The following TET1 variants were observed in gnomAD, a reference collection of about 807,000 sequenced individuals.
TET1 encodes the protein methylcytosine dioxygenase TET1.
TET1 carries 13 observed loss-of-function variants against 148.7 expected under a neutral mutation model. The ratio of observed to expected loss-of-function variants is 0.09; its 90% CI spans 0.06 to 0.14. TET1 has a LOEUF of 0.14. Among genes scored for constraint, TET1 ranks in the 10% least tolerant of loss-of-function variants. TET1 has a pLI of 1.00. For synonymous variants in TET1, 907 were observed against 937.2 expected (o/e 0.97, Z 0.59); for missense variants, 2,182 against 2,553.8 (o/e 0.85, Z 3.14).
chr10:68,578,384 G>A (rs34814627), intron 2 of TET1, among the ~76,000 whole-genome samples: 23,553 of 151,876 alleles, frequency 0.16, 1,996 homozygotes, highest in South Asian at 0.24. Context: ...TCAGCCTGCC[G>A]AGTAGCTGGG....
At chr10:68,660,281 G>T (rs768773342) in intron 6 of TET1, among the ~76,000 whole-genome samples, 1 of 151,296 alleles carries the variant, frequency 6.6e-6, no homozygotes, top group Non-Finnish European at 1.5e-5. Context: ...GGATACTTCC[G>T]CTTAGTTTGG....
At chr10:68,683,620 G>A (rs1051741894) in intron 10 of TET1, among the ~76,000 whole-genome samples, 3 of 152,104 alleles carry the variant, frequency 2.0e-5, no homozygotes, top group Non-Finnish European at 4.4e-5. Flanking sequence ...CACCGTGTTA[G>A]CCAGGATGGT....
Position 68,646,837 on chromosome 10 carries a change from A to G in TET1, c.4108A>G (p.Lys1370Glu). 1.2e-6 allele frequency: 2 copies of G among 1,614,214 alleles called. No homozygotes were observed. Among genetic ancestry groups the G allele is most frequent in the Non-Finnish European group, 1.7e-6 (2 of 1,180,038 alleles). ...CSGGITVVST[K>E]SEEEVCSSSF... ...AGGTGGAATTACAGTGGTTTCTACC[A>G]AAAGTGAAGAGGAAGTCTGTTCATC... Residue 1370 changes from lysine to glutamate, a missense_variant, in exon 4 of 12, where the codon AAA becomes GAA. Transcript: ENST00000373644.
chr10:68,654,731 G>A (rs991535095), intron 6 of TET1, among the ~76,000 whole-genome samples: 8 of 152,234 alleles, frequency 5.3e-5, no homozygotes, highest in Admixed American at 5.2e-4. Flanking sequence ...TAGCCCATGA[G>A]TAACATGAAG....
intron 3 of TET1, chr10:68,632,574 G>C (rs1418872089): frequency 8.1e-6 from 13 of 1,601,368 alleles, no homozygotes; most frequent in Non-Finnish European, 1.1e-5. Context: ...GGTTTATCTT[G>C]GTGACTTTGG....
At position 68,667,222 on chromosome 10, in the gene TET1, C is replaced by T. The variant is rs1564501598; in HGVS notation, c.4639C>T (p.His1547Tyr). ...LTENLKSYNG[H>Y]PTDRRCTLNE... is the part of the protein sequence containing the mutation. ...AGAGAATCTAAAGTCATACAATGGGCACCCTACCGACAGAAGATGCACCCT... is the reference window on the plus strand; with the variant it reads ...AGAGAATCTAAAGTCATACAATGGGTACCCTACCGACAGAAGATGCACCCT... The change falls in exon 7 of 12, where the codon CAC (histidine) becomes TAC (tyrosine). Residue 1547 changes from histidine to tyrosine, a missense_variant. His to Tyr is a moderately conservative substitution (Grantham distance 83). Coordinates refer to ENST00000373644, the MANE Select transcript of TET1 (RefSeq NM_030625.3). The T allele has an allele frequency of 6.2e-7, 1 of 1,613,906 alleles. No homozygotes were observed. Among genetic ancestry groups the T allele is most frequent in the East Asian group, 2.2e-5 (1 of 44,884 alleles).
rs1388182777 is a variant in TET1 at position 68,565,475 on chromosome 10, A to AAAAT, written c.-123+4734_-123+4735insAATA. Among the ~76,000 whole-genome samples, 996 of 129,162 alleles carry AAAAT rather than the reference A, an allele frequency of 7.7e-3. 12 individuals are homozygous for AAAAT. The highest frequency in any genetic ancestry group is 0.025 in the African/African-American group (904 of 35,882). 84.7% of individuals were successfully genotyped at this position (129,162 alleles called of 152,430 possible). A position where few individuals can be genotyped will look rare whatever the true frequency, so the allele number is the denominator to read the frequency against. On this transcript the variant is annotated intron_variant, in intron 1 of 11. Transcript: ENST00000373644. The stretch of plus-strand genomic sequence containing the variant: ...AGCAAGACCCTGTTTAAAAAAAAAA[A>AAAAT]ATATATATATATATATATATATATG...
chr10:68,601,214 G>C (rs990885293), intron 3 of TET1, among the ~76,000 whole-genome samples, 180 bp downstream of exon 3: 3 of 152,012 alleles, frequency 2.0e-5, no homozygotes, highest in African/African-American at 7.2e-5. Flanking sequence ...TGCATAATGT[G>C]CATATTAGCA....
At position 68,645,438 on chromosome 10, in the gene TET1, C is replaced by G; in HGVS notation, c.2709C>G (p.Ala903=). 1 of 1,613,844 alleles carries G rather than the reference C, an allele frequency of 6.2e-7. No individual in the cohort carries two copies. The highest frequency in any genetic ancestry group is 8.5e-7 in the Non-Finnish European group (1 of 1,180,018). The part of the protein sequence containing the change: ...AIEALTQLSE[A]PSENSSPSKS... ...AGGCCCTGACTCAACTCTCAGAAGC[C>G]CCATCAGAGAATTCCTCCCCATCAA... The change falls in exon 4 of 12, where the codon GCC becomes GCG. Residue 903 remains alanine (A), a synonymous_variant. Coordinates refer to ENST00000373644, the MANE Select transcript of TET1 (RefSeq NM_030625.3).
At chr10:68,632,589 C>T in intron 3 of TET1, 1 of 1,588,362 alleles carries the variant, frequency 6.3e-7, no homozygotes. Flanking sequence ...CTTTGGGATG[C>T]TGGTTTCACT....
chr10:68,666,287 TA>T (rs1267522508), intron 6 of TET1, among the ~76,000 whole-genome samples: 1 of 152,214 alleles, frequency 6.6e-6, no homozygotes, highest in East Asian at 1.9e-4. Context: ...ACATTAGTCT[TA>T]TGAATAAAAT....
chr10:68,642,007 A>G (rs942023944), intron 3 of TET1, among the ~76,000 whole-genome samples: 1 of 152,208 alleles, frequency 6.6e-6, no homozygotes, highest in Non-Finnish European at 1.5e-5. Flanking sequence ...ACAAATAAAT[A>G]TTGTGTATAT....
chr10:68,653,430 G>T (rs1208680772), intron 6 of TET1, among the ~76,000 whole-genome samples: 1 of 152,138 alleles, frequency 6.6e-6, no homozygotes, highest in Admixed American at 6.5e-5. Flanking sequence ...TTTTTCAAAA[G>T]TGGTCTGACT....
At chr10:68,687,246 A>G (rs569680124) in intron 11 of TET1, among the ~76,000 whole-genome samples, 1 of 148,944 alleles carries the variant, frequency 6.7e-6, no homozygotes, top group African/African-American at 2.5e-5. Flanking sequence ...TTTTTATGGC[A>G]TGGGGAGGGG....
intron 7 of TET1, 118 bp downstream of exon 7, chr10:68,667,374 G>A: frequency 1.2e-6 from 1 of 851,636 alleles, no homozygotes; most frequent in Non-Finnish European, 1.8e-6. Context: ...GAGTATTGTG[G>A]AATTAAAAAG....
At chr10:68,570,041 GT>G (rs2053650690) in intron 1 of TET1, among the ~76,000 whole-genome samples, 1 of 152,086 alleles carries the variant, frequency 6.6e-6, no homozygotes, top group African/African-American at 2.4e-5. Context: ...GTGTGGTACT[GT>G]GGTTTGGGGT....
At chr10:68,630,002 G>A (rs61868101) in intron 3 of TET1, among the ~76,000 whole-genome samples, 9,066 of 152,244 alleles carry the variant, frequency 0.06, 368 homozygotes, top group Non-Finnish European at 0.085. Flanking sequence ...ATATTTGTCA[G>A]AACAACCACT....
chr10:68,640,333 G>A lies in TET1; in HGVS notation c.1969-4365G>A, dbSNP rs574138997. ...GGCTGGAGTGCAGTGGCTCAATCTCGGCTCACTGCAACCTCTGCCCGCCAG... is the reference window on the plus strand; with the variant it reads ...GGCTGGAGTGCAGTGGCTCAATCTCAGCTCACTGCAACCTCTGCCCGCCAG... On this transcript the variant is annotated intron_variant, in intron 3 of 11. Transcript: ENST00000373644. Among the ~76,000 whole-genome samples, 5 of 151,044 alleles carry A rather than the reference G, an allele frequency of 3.3e-5. No individual in the cohort carries two copies. In the Admixed American group the frequency reaches 3.3e-4, roughly 10 times the overall value.
chr10:68,668,451 C>T (rs1589125227), intron 7 of TET1, among the ~76,000 whole-genome samples: 1 of 152,246 alleles, frequency 6.6e-6, no homozygotes, highest in Non-Finnish European at 1.5e-5. Flanking sequence ...CAGTTTCTAA[C>T]AGCCTGTTGA....
Sources: gnomAD v4.1 joint callset for allele counts (sites outside exome capture counted in the v4.1 genomes callset) on GRCh38, gnomAD v4.1.1 for gene constraint, MANE v1.5 for transcripts, NCBI Gene and HGNC (gene_info 2026-07-23, HGNC 2026-07-21) for gene names.